FAM107B: variants seen among roughly 807,000 people sequenced by gnomAD.
FAM107B encodes the protein family with sequence similarity 107 member B.
In FAM107B, 21 loss-of-function variants were observed where a neutral mutation model predicts 31.5. The observed-to-expected ratio is 0.67, with a 90% confidence interval of 0.47 to 0.96. The LOEUF (loss-of-function observed/expected upper bound fraction) is 0.96. FAM107B is among the 40% of genes least tolerant of loss of function. FAM107B has a pLI of 0.00. For missense variants in FAM107B, 452 were observed against 377.1 expected, an observed-to-expected ratio of 1.20 and a Z score of -1.64; for synonymous variants, 157 against 141.5, an observed-to-expected ratio of 1.11 and a Z score of -0.78.
chr10:14,596,869 G>A (rs974673870), intron 2 of FAM107B, among the ~76,000 whole-genome samples: 8 of 152,126 alleles, frequency 5.3e-5, no homozygotes, highest in Non-Finnish European at 1.2e-4. Flanking sequence ...AAAGAATGCA[G>A]GCTTCTATCT....
At position 14,519,992 on chromosome 10, in the gene FAM107B, C is replaced by T. The variant is rs775936930; in HGVS notation, c.*1198G>A. ...AGAACAAGGGAACTCAGCAGCCCCT[C>T]CCTTCCCATCAGCTGTTCCTGAGAG... On this transcript the variant is annotated 3_prime_UTR_variant, in exon 5 of 5. Coordinates refer to ENST00000181796, the MANE Select transcript of FAM107B (RefSeq NM_031453.4). The T allele has an allele frequency of 1.3e-5, 2 of 152,628 alleles. No homozygotes were observed. The highest frequency in any genetic ancestry group is 2.9e-5 in the Non-Finnish European group (2 of 68,042). 9.5% of individuals were successfully genotyped at this position (152,628 alleles called of 1,614,324 possible).
chr10:14,696,818 G>A (rs1305821696), intron 1 of FAM107B, among the ~76,000 whole-genome samples: 1 of 152,174 alleles, frequency 6.6e-6, no homozygotes, highest in Non-Finnish European at 1.5e-5. Flanking sequence ...AGAGAAGGGT[G>A]GGATGAGGGA....
chr10:14,616,815 C>T (rs1057298445), intron 2 of FAM107B, among the ~76,000 whole-genome samples: 2 of 152,108 alleles, frequency 1.3e-5, no homozygotes, highest in South Asian at 4.1e-4. Context: ...GACCCAGCTA[C>T]TTCAGAGGCT....
At chr10:14,534,345 G>A (rs541412229) in intron 2 of FAM107B, among the ~76,000 whole-genome samples, 1 of 152,212 alleles carries the variant, frequency 6.6e-6, no homozygotes, top group African/African-American at 2.4e-5. Flanking sequence ...TGGGATCTGG[G>A]TTCCAGCTGC....
chr10:14,525,746 A>G (rs1268519364), intron 3 of FAM107B, among the ~76,000 whole-genome samples: 2 of 152,238 alleles, frequency 1.3e-5, no homozygotes, highest in Non-Finnish European at 2.9e-5. Flanking sequence ...GTGGACATTT[A>G]TAGCTGCACA....
intron 1 of FAM107B, among the ~76,000 whole-genome samples, chr10:14,739,924 T>A (rs1410571483): frequency 6.6e-6 from 1 of 152,180 alleles, no homozygotes; most frequent in African/African-American, 2.4e-5. Context: ...GTCTATCCCC[T>A]GGATTGTTTG....
intron 2 of FAM107B, among the ~76,000 whole-genome samples, chr10:14,644,759 T>C (rs1853711395): frequency 1.3e-5 from 2 of 152,206 alleles, no homozygotes; most frequent in South Asian, 4.1e-4. Context: ...CAAGTATTGG[T>C]ATGAGTGTGC....
At position 14,521,944 on chromosome 10, in the gene FAM107B, C is replaced by T; in HGVS notation, c.729G>A (p.Gln243=). 6.2e-7 allele frequency: 1 copy of T among 1,614,218 alleles called. No homozygotes were observed. The highest frequency in any genetic ancestry group is 8.5e-7 in the Non-Finnish European group (1 of 1,180,030). ...TCTTCTTCTGTGCTTCTTCTTCCTT[C>T]TGCTTTATTACTTGGTCTCGTTTTC... ...EKRKRDQVIK[Q]KEEEAQKKKS... Residue 243 remains glutamine, a synonymous_variant, in exon 4 of 5, where the codon CAG becomes CAA. Transcript: ENST00000181796.
intron 1 of FAM107B, chr10:14,723,088 A>G (rs1855950309): frequency 5.4e-6 from 2 of 373,200 alleles, no homozygotes; most frequent in Non-Finnish European, 1.0e-5. Flanking sequence ...TTTGGCATGT[A>G]TCTTTTTTTC....
chr10:14,595,328 T>C (rs370882085), intron 2 of FAM107B, among the ~76,000 whole-genome samples: 2 of 152,020 alleles, frequency 1.3e-5, no homozygotes, highest in African/African-American at 4.8e-5. Flanking sequence ...AATGCAGATA[T>C]GTACAGAGTC....
chr10:14,774,725 C>T lies in FAM107B; in HGVS notation c.-62G>A. The T allele has an allele frequency of 6.5e-7, 1 of 1,529,056 alleles. No individual in the cohort carries two copies. The highest frequency in any genetic ancestry group is 1.4e-5 in the African/African-American group (1 of 73,146). 94.7% of individuals were successfully genotyped at this position (1,529,056 alleles called of 1,614,324 possible). ...AAGGAAATTTTCCAGGGGTCCACAT[C>T]ACCTCCACTTTGCTTATAGGAACTC... On this transcript the variant is annotated 5_prime_UTR_variant, in exon 1 of 5. Coordinates refer to ENST00000181796, the MANE Select transcript of FAM107B (RefSeq NM_031453.4).
intron 1 of FAM107B, among the ~76,000 whole-genome samples, chr10:14,698,807 A>G (rs1365661173): frequency 1.3e-5 from 2 of 152,260 alleles, no homozygotes; most frequent in Admixed American, 1.3e-4. Context: ...ACATAAGCAC[A>G]AATAACTTGT....
intron 2 of FAM107B, among the ~76,000 whole-genome samples, chr10:14,576,204 G>C (rs77195865): frequency 6.6e-6 from 1 of 152,140 alleles, no homozygotes; most frequent in African/African-American, 2.4e-5. Context: ...GGTTTACCTC[G>C]TTGTGTATAT....
At position 14,522,906 on chromosome 10, in the gene FAM107B, G is replaced by A. The variant is rs563285901; in HGVS notation, c.654-887C>T. On this transcript the variant is annotated intron_variant, in intron 3 of 4. Transcript: ENST00000181796. ...CCTTAATCCCCTAATTCTCAGTCCC[G>A]TGCTCCTCCACCGAAACCCTTTCAG... Among the ~76,000 whole-genome samples, 165 of 152,106 alleles carry A rather than the reference G, an allele frequency of 1.1e-3. 1 individual carries two copies. The highest frequency in any genetic ancestry group is 3.5e-3 in the African/African-American group (146 of 41,498).
chr10:14,596,509 T>C (rs941988663), intron 2 of FAM107B, among the ~76,000 whole-genome samples: 2 of 152,148 alleles, frequency 1.3e-5, no homozygotes, highest in Non-Finnish European at 2.9e-5. Context: ...CTTGACACCA[T>C]GCCTGGTCAC....
intron 1 of FAM107B, among the ~76,000 whole-genome samples, chr10:14,689,139 A>G (rs1855062646): frequency 6.6e-6 from 1 of 152,088 alleles, no homozygotes; most frequent in African/African-American, 2.4e-5. Context: ...GGTGGCTCAC[A>G]CCTGTAATGG....
chr10:14,721,978 G>A (rs1855922609), intron 1 of FAM107B, among the ~76,000 whole-genome samples: 1 of 152,034 alleles, frequency 6.6e-6, no homozygotes, highest in Non-Finnish European at 1.5e-5. Flanking sequence ...TATGGTTTTA[G>A]GTCTGACATT....
intron 2 of FAM107B, among the ~76,000 whole-genome samples, chr10:14,619,422 C>G (rs1396198033): frequency 6.6e-6 from 1 of 152,000 alleles, no homozygotes; most frequent in Non-Finnish European, 1.5e-5. Flanking sequence ...TTTTATTTTT[C>G]TAATGGCTTA....
chr10:14,694,714 A>T (rs1855225612), intron 1 of FAM107B, among the ~76,000 whole-genome samples: 1 of 152,162 alleles, frequency 6.6e-6, no homozygotes, highest in Admixed American at 6.5e-5. Context: ...AATGGATGTG[A>T]GGTGAAATTT....
Sources: gnomAD v4.1 joint callset for allele counts (sites outside exome capture counted in the v4.1 genomes callset) on GRCh38, gnomAD v4.1.1 for gene constraint, MANE v1.5 for transcripts, NCBI Gene and HGNC (gene_info 2026-07-23, HGNC 2026-07-21) for gene names.